Variants in SLC38A6 observed in about 807,000 individuals in gnomAD.
The protein encoded by SLC38A6 is N system amino acid transporter NAT-1.
SLC38A6 carries 73 observed loss-of-function variants against 65.0 expected under a neutral mutation model. The ratio of observed to expected loss-of-function variants is 1.12; its 90% CI spans 0.93 to 1.37. The LOEUF (loss-of-function observed/expected upper bound fraction) is 1.37, where lower values mean the gene tolerates loss of function less well. Ranked by LOEUF, SLC38A6 falls within the 40% of genes most tolerant of loss-of-function variation. The pLI, the probability that SLC38A6 is intolerant of heterozygous loss-of-function variation, is 0.00. For synonymous variants in SLC38A6, 183 were observed against 178.8 expected (o/e 1.02, Z -0.19); for missense variants, 561 against 531.1 (o/e 1.06, Z -0.55).
intron 3 of SLC38A6, among the ~76,000 whole-genome samples, chr14:61,015,401 T>C (rs914513199): frequency 6.6e-6 from 1 of 152,100 alleles, no homozygotes; most frequent in Admixed American, 6.6e-5. Context: ...GCACCCACTG[T>C]CCAACACTCC....
intron 5 of SLC38A6, among the ~76,000 whole-genome samples, chr14:61,021,389 A>G (rs897607679): frequency 6.6e-6 from 1 of 152,228 alleles, no homozygotes; most frequent in African/African-American, 2.4e-5. Flanking sequence ...AGAGGGCAGA[A>G]CTGGTGCTAA....
intron 15 of SLC38A6, among the ~76,000 whole-genome samples, chr14:61,069,390 C>T (rs944229004): frequency 3.9e-5 from 6 of 152,110 alleles, no homozygotes; most frequent in Non-Finnish European, 7.3e-5. Context: ...CGCTACTACC[C>T]CCATTAATCC....
At chr14:61,054,662 C>A (rs1315684215), downstream of SLC38A6, among the ~76,000 whole-genome samples, 1 of 152,040 alleles carries the variant, frequency 6.6e-6, no homozygotes, top group Non-Finnish European at 1.5e-5. Context: ...TCTGATTTGG[C>A]TCTCAGTTTG....
Position 61,046,107 on chromosome 14 carries a change from A to G in SLC38A6, c.865A>G (p.Ile289Val), listed in dbSNP as rs1197461506. 3.7e-6 allele frequency: 6 copies of G among 1,611,922 alleles called. No homozygotes were observed. The highest frequency in any genetic ancestry group is 4.2e-6 in the Non-Finnish European group (5 of 1,178,598). The change falls in exon 12 of 16, where the codon ATT (isoleucine) becomes GTT (valine). Residue 289 changes from isoleucine (I) to valine (V), a missense_variant. Physicochemically the swap from Ile to Val is conservative, Grantham distance 29. Transcript: ENST00000267488. ...KRMQNVTNTA[I>V]ALSFLIYFIS... ...AATGCAGAATGTTACCAATACAGCA[A>G]TTGCTTTAAGTTTTCTCATTTATTT...
chr14:61,030,295 G>GTA (rs2139660712), intron 5 of SLC38A6, 150 bp from the exon 6 acceptor site: 1 of 517,898 alleles, frequency 1.9e-6, no homozygotes, highest in Non-Finnish European at 3.5e-6. Context: ...GTGTGTGTGT[G>GTA]TGTGTATGTA....
Position 60,987,548 on chromosome 14 carries a change from G to A in SLC38A6, c.310+2745G>A, listed in dbSNP as rs1324825974. On this transcript the variant is annotated intron_variant, in intron 3 of 15. Transcript: ENST00000267488. ...TGGCAATGATAACACTTCCTTCTTGGAATTGTTCTGAGAGTGAAATAAAAT... is the reference window on the plus strand; with the variant it reads ...TGGCAATGATAACACTTCCTTCTTGAAATTGTTCTGAGAGTGAAATAAAAT... 2.0e-5 allele frequency: 3 copies of A among 152,238 alleles called. No individual in the cohort carries two copies. The South Asian group carries it at 6.2e-4, about 32-fold the overall frequency. 9.4% of individuals were successfully genotyped at this position (152,238 alleles called of 1,614,324 possible).
At chr14:61,042,455 A>G (rs554193682) in intron 8 of SLC38A6, among the ~76,000 whole-genome samples, 1 of 152,366 alleles carries the variant, frequency 6.6e-6, no homozygotes, top group Non-Finnish European at 1.5e-5. Flanking sequence ...CCACAGCTAT[A>G]GGTCTGATAA....
chr14:61,028,773 G>T (rs1555353591), intron 5 of SLC38A6, among the ~76,000 whole-genome samples: 1 of 152,016 alleles, frequency 6.6e-6, no homozygotes, highest in Non-Finnish European at 1.5e-5. Flanking sequence ...TTATTTAACT[G>T]TTCTAAATTT....
intron 16 of SLC38A6, among the ~76,000 whole-genome samples, chr14:61,083,017 A>G (rs1001578318): frequency 1.3e-5 from 2 of 152,188 alleles, no homozygotes; most frequent in African/African-American, 4.8e-5. Context: ...ATAAATCACC[A>G]TCACTTCAGA....
At chr14:61,030,711 A>G (rs1474159532) in intron 6 of SLC38A6, 188 bp downstream of exon 6, 3 of 495,162 alleles carry the variant, frequency 6.1e-6, no homozygotes, top group Admixed American at 3.6e-5. Flanking sequence ...TTGATTACCC[A>G]TATGAAAGCG....
intron 3 of SLC38A6, among the ~76,000 whole-genome samples, chr14:61,011,031 C>T: frequency 6.6e-6 from 1 of 152,058 alleles, no homozygotes; most frequent in East Asian, 1.9e-4. Context: ...AATGTTCTTC[C>T]ATTTGTTTGT....
intron 15 of SLC38A6, among the ~76,000 whole-genome samples, chr14:61,069,279 A>G (rs914601942): frequency 6.6e-6 from 1 of 151,940 alleles, no homozygotes; most frequent in African/African-American, 2.4e-5. Flanking sequence ...CTGCTTTCAT[A>G]GTATTACTCT....
chr14:61,061,928 C>T (rs1472911934), intron 15 of SLC38A6, among the ~76,000 whole-genome samples: 2 of 150,148 alleles, frequency 1.3e-5, no homozygotes, highest in Non-Finnish European at 3.0e-5. Flanking sequence ...GCCTCCATCT[C>T]CCAGGTTCTA....
chr14:61,066,312 C>T (rs1231204538), intron 15 of SLC38A6, among the ~76,000 whole-genome samples: 1 of 152,042 alleles, frequency 6.6e-6, no homozygotes, highest in African/African-American at 2.4e-5. Context: ...TGTTTGTCAC[C>T]CTTCCTAAAC....
chr14:60,987,169 C>CT (rs75703068), intron 3 of SLC38A6: 8,545 of 191,994 alleles, frequency 0.045, 3 homozygotes, highest in South Asian at 0.074. Context: ...TAGGCTTTTC[C>CT]TTTTTTTTTT....
intron 15 of SLC38A6, among the ~76,000 whole-genome samples, chr14:61,062,411 A>G (rs1001461049): frequency 6.6e-6 from 1 of 151,584 alleles, no homozygotes; most frequent in African/African-American, 2.4e-5. Context: ...GTTCCCTAAT[A>G]TGATATTGAG....
intron 6 of SLC38A6, among the ~76,000 whole-genome samples, chr14:61,032,112 A>C (rs780751219): frequency 2.6e-5 from 4 of 151,974 alleles, no homozygotes; most frequent in Non-Finnish European, 4.4e-5. Flanking sequence ...TTACTATATT[A>C]AACGTGGTGT....
At chr14:61,023,977 G>A (rs990806138) in intron 5 of SLC38A6, among the ~76,000 whole-genome samples, 1 of 152,118 alleles carries the variant, frequency 6.6e-6, no homozygotes, top group Non-Finnish European at 1.5e-5. Context: ...AGAGGGGAGA[G>A]GGGGAAAAGC....
intron 3 of SLC38A6, among the ~76,000 whole-genome samples, chr14:60,991,611 T>C (rs958048548): frequency 6.6e-6 from 1 of 152,168 alleles, no homozygotes; most frequent in Non-Finnish European, 1.5e-5. Flanking sequence ...ACCTTTGTGC[T>C]TTCTGTGCTC....
Sources: gnomAD v4.1 joint callset for allele counts (sites outside exome capture counted in the v4.1 genomes callset) on GRCh38, gnomAD v4.1.1 for gene constraint, MANE v1.5 for transcripts, NCBI Gene and HGNC (gene_info 2026-07-23, HGNC 2026-07-21) for gene names.